CPA6: variants seen among roughly 807,000 people sequenced by gnomAD.
CPA6 encodes the protein carboxypeptidase A6.
CPA6 carries 58 observed loss-of-function variants against 63.3 expected under a neutral mutation model. The observed-to-expected ratio is 0.92, with a 90% CI of 0.74 to 1.14. CPA6 has a LOEUF of 1.14. Among genes scored for constraint, CPA6 ranks in the 50% most tolerant of loss-of-function variants. The probability of loss-of-function intolerance (pLI) is 0.00; values close to 1 mark genes in which losing one functional copy is unlikely to be tolerated. For synonymous variants in CPA6, 185 were observed against 179.0 expected (o/e 1.03, Z -0.27); for missense variants, 565 against 526.6 (o/e 1.07, Z -0.71).
At chr8:67,522,495 C>T (rs1034017983) in intron 2 of CPA6, among the ~76,000 whole-genome samples, 3 of 152,162 alleles carry the variant, frequency 2.0e-5, no homozygotes, top group African/African-American at 7.2e-5. Context: ...TTAAATGCCC[C>T]CGTTCACCGA....
intron 1 of CPA6, among the ~76,000 whole-genome samples, chr8:67,688,890 T>C (rs1285086069): frequency 6.6e-6 from 1 of 152,202 alleles, no homozygotes; most frequent in Non-Finnish European, 1.5e-5. Flanking sequence ...AGATAAGATC[T>C]AGTATTTAAA....
intron 2 of CPA6, among the ~76,000 whole-genome samples, chr8:67,615,633 A>G (rs958184827): frequency 3.9e-5 from 6 of 152,210 alleles, no homozygotes; most frequent in African/African-American, 1.4e-4. Context: ...TTTCAGTACC[A>G]GCTGAAGAGT....
At chr8:67,514,217 C>G (rs148148345) in intron 3 of CPA6, among the ~76,000 whole-genome samples, 82 of 152,212 alleles carry the variant, frequency 5.4e-4, no homozygotes, top group African/African-American at 1.8e-3. Context: ...CTTAGCCTCC[C>G]AAAGTGCTGG....
chr8:67,531,332 T>C (rs1370842614), intron 2 of CPA6, among the ~76,000 whole-genome samples: 4 of 152,106 alleles, frequency 2.6e-5, no homozygotes, highest in Non-Finnish European at 5.9e-5. Context: ...AAATAACATG[T>C]ATGTTGAATA....
chr8:67,490,476 G>A (rs768082485), intron 6 of CPA6, among the ~76,000 whole-genome samples: 1 of 152,056 alleles, frequency 6.6e-6, no homozygotes, highest in Non-Finnish European at 1.5e-5. Flanking sequence ...TCAGTGTGGC[G>A]GTCCCTAGGT....
chr8:67,460,200 T>C (rs575950541), intron 8 of CPA6, among the ~76,000 whole-genome samples: 14 of 152,338 alleles, frequency 9.2e-5, no homozygotes, highest in Admixed American at 6.5e-4. Flanking sequence ...GTATTATTCG[T>C]ACTGGCCCAG....
chr8:67,587,082 C>T lies in CPA6; in HGVS notation c.192+37094G>A, dbSNP rs149666779. On this transcript the variant is annotated intron_variant, in intron 2 of 10. Coordinates refer to ENST00000297770, the MANE Select transcript of CPA6 (RefSeq NM_020361.5). ...CTAGGAGGATAATGGGTATTATGTT[C>T]GCTAGAGCGAAATGTGAAGTCCTTG... is the stretch of plus-strand genomic sequence containing the variant. Among the ~76,000 whole-genome samples, 885 of 152,270 alleles carry T rather than the reference C, an allele frequency of 5.8e-3. 7 individuals carry two copies. The highest frequency in any genetic ancestry group is 0.02 in the African/African-American group (817 of 41,550).
chr8:67,718,375 G>A (rs752330160), intron 1 of CPA6, among the ~76,000 whole-genome samples: 4 of 152,140 alleles, frequency 2.6e-5, no homozygotes, highest in Non-Finnish European at 5.9e-5. Context: ...AGGGTCAGGA[G>A]GACAGAATTT....
chr8:67,720,584 C>T (rs950965647), intron 1 of CPA6, among the ~76,000 whole-genome samples: 1 of 152,030 alleles, frequency 6.6e-6, no homozygotes, highest in African/African-American at 2.4e-5. Context: ...GATCCAGTGA[C>T]GGAGTAAAAG....
At chr8:67,491,162 G>A (rs995608117) in intron 6 of CPA6, among the ~76,000 whole-genome samples, 2 of 151,718 alleles carry the variant, frequency 1.3e-5, no homozygotes, top group African/African-American at 4.8e-5. Context: ...TCAACACAAA[G>A]GAGGTATTTT....
intron 3 of CPA6, among the ~76,000 whole-genome samples, chr8:67,517,463 C>A (rs1355803895): frequency 6.6e-6 from 1 of 152,200 alleles, no homozygotes; most frequent in African/African-American, 2.4e-5. Flanking sequence ...ACAATCTGAA[C>A]TCCCTGTTTC....
At chr8:67,703,920 T>C (rs1160815087) in intron 1 of CPA6, among the ~76,000 whole-genome samples, 2 of 150,132 alleles carry the variant, frequency 1.3e-5, no homozygotes, top group Non-Finnish European at 2.9e-5. Context: ...CCCACTTACA[T>C]GCTGCTTTTT....
chr8:67,494,547 C>T (rs1300250456), intron 6 of CPA6, among the ~76,000 whole-genome samples: 2 of 152,028 alleles, frequency 1.3e-5, no homozygotes, highest in Non-Finnish European at 2.9e-5. Flanking sequence ...CTAGCAAAAG[C>T]GAACAAAGCC....
At chr8:67,615,551 A>G (rs887296997) in intron 2 of CPA6, among the ~76,000 whole-genome samples, 1 of 152,226 alleles carries the variant, frequency 6.6e-6, no homozygotes, top group Non-Finnish European at 1.5e-5. Context: ...GGGGTGGGTC[A>G]AAAAAGTAAA....
intron 2 of CPA6, among the ~76,000 whole-genome samples, chr8:67,576,372 T>G (rs1236733701): frequency 3.3e-5 from 5 of 152,210 alleles, no homozygotes; most frequent in Non-Finnish European, 5.9e-5. Flanking sequence ...CTTAATCAGG[T>G]CAAGATGTGC....
chr8:67,444,522 G>A (rs1810369983), intron 8 of CPA6, among the ~76,000 whole-genome samples: 1 of 151,656 alleles, frequency 6.6e-6, no homozygotes, highest in Admixed American at 6.6e-5. Flanking sequence ...AGTGGCTCAT[G>A]CCTGTAATCC....
chr8:67,487,495 T>C (rs1418243397), intron 6 of CPA6, among the ~76,000 whole-genome samples: 2 of 152,212 alleles, frequency 1.3e-5, no homozygotes, highest in East Asian at 3.8e-4. Flanking sequence ...CTATTGTGAA[T>C]AGTGCCGCAA....
At position 67,654,178 on chromosome 8, in the gene CPA6, A is replaced by G. The variant is rs970275802; in HGVS notation, c.117-29927T>C. ...ATTGAGGATTTTTGCATCAATGTTCATCAAGGATATTGGTCTAAAATTCTC... is the reference window on the plus strand; with the variant it reads ...ATTGAGGATTTTTGCATCAATGTTCGTCAAGGATATTGGTCTAAAATTCTC... On this transcript the variant is annotated intron_variant, in intron 1 of 10. Coordinates refer to ENST00000297770, the MANE Select transcript of CPA6 (RefSeq NM_020361.5). Among the ~76,000 whole-genome samples the G allele has an allele frequency of 7.2e-5, 11 of 152,324 alleles. 1 individual carries two copies. Among genetic ancestry groups the G allele is most frequent in the Admixed American group, 2.6e-4 (4 of 15,290 alleles).
At chr8:67,717,326 A>G (rs1476788050) in intron 1 of CPA6, among the ~76,000 whole-genome samples, 1 of 152,200 alleles carries the variant, frequency 6.6e-6, no homozygotes, top group African/African-American at 2.4e-5. Flanking sequence ...AAGTGCTATG[A>G]CATCAAGAGT....
Sources: gnomAD v4.1 joint callset for allele counts (sites outside exome capture counted in the v4.1 genomes callset) on GRCh38, gnomAD v4.1.1 for gene constraint, MANE v1.5 for transcripts, NCBI Gene and HGNC (gene_info 2026-07-23, HGNC 2026-07-21) for gene names.